Variants in CCDC171 observed in about 807,000 individuals in gnomAD.
CCDC171 encodes the protein coiled-coil domain-containing protein 171.
Under a neutral mutation model 168.2 loss-of-function variants are expected in CCDC171, and 177 were observed. That is an observed-to-expected ratio of 1.05 (90% CI 0.93 to 1.19). The LOEUF (loss-of-function observed/expected upper bound fraction) is 1.19. Ranked by LOEUF, CCDC171 falls within the 50% of genes most tolerant of loss-of-function variation. The pLI is 0.00. For synonymous variants in CCDC171, 687 were observed against 540.8 expected (o/e 1.27, Z -3.75); for missense variants, 1,991 against 1,539.0 (o/e 1.29, Z -4.91).
chr9:15,609,542 AATAG>A (rs1370605610), intron 6 of CCDC171, among the ~76,000 whole-genome samples: 1 of 152,206 alleles, frequency 6.6e-6, no homozygotes, highest in South Asian at 2.1e-4. Context: ...TGTTTTTCCA[AATAG>A]ATAGCCAAGT....
intron 25 of CCDC171, among the ~76,000 whole-genome samples, chr9:15,957,438 T>C (rs1024841520): frequency 1.3e-5 from 2 of 152,200 alleles, no homozygotes; most frequent in South Asian, 4.1e-4. Context: ...TTCTCCCTCA[T>C]TGAATCCAAG....
chr9:15,678,342 A>T (rs532026911), intron 9 of CCDC171, among the ~76,000 whole-genome samples: 10 of 152,260 alleles, frequency 6.6e-5, no homozygotes, highest in African/African-American at 2.4e-4. Flanking sequence ...TTCTACTTGC[A>T]TGGACATTCA....
intron 1 of CCDC171, among the ~76,000 whole-genome samples, chr9:16,051,554 A>G (rs545840377): frequency 2.4e-4 from 37 of 152,182 alleles, no homozygotes; most frequent in Non-Finnish European, 4.7e-4. Context: ...GCTTTGAGGT[A>G]CGACCCATCC....
intron 7 of CCDC171, among the ~76,000 whole-genome samples, chr9:15,646,485 G>A (rs917344910): frequency 1.3e-5 from 2 of 152,200 alleles, no homozygotes; most frequent in Non-Finnish European, 2.9e-5. Flanking sequence ...AGACCCATCA[G>A]TGTGCTGTAT....
chr9:16,075,849 A>T, the CCDC171 span, among the ~76,000 whole-genome samples: 1 of 152,200 alleles, frequency 6.6e-6, no homozygotes, highest in African/African-American at 2.4e-5. Flanking sequence ...AGAGAATAGC[A>T]TAGCATAGCA....
At chr9:15,728,931 A>G (rs7854226) in intron 15 of CCDC171, among the ~76,000 whole-genome samples, 4,729 of 152,226 alleles carry the variant, frequency 0.031, 244 homozygotes, top group African/African-American at 0.11. Flanking sequence ...TGAGCATTTT[A>G]TCTTGGTCCT....
intron 25 of CCDC171, among the ~76,000 whole-genome samples, chr9:15,958,064 G>C (rs1343892921): frequency 1.3e-5 from 2 of 152,090 alleles, no homozygotes; most frequent in Non-Finnish European, 2.9e-5. Context: ...AAGATGCCCT[G>C]TTCATTTTCT....
In CCDC171 at chr9:15,729,790, A is replaced by T; in HGVS notation, c.2041A>T (p.Arg681Trp). The T allele has an allele frequency of 1.9e-6, 3 of 1,607,808 alleles. No individual in the cohort carries two copies. Among genetic ancestry groups the T allele is most frequent in the Non-Finnish European group, 2.6e-6 (3 of 1,175,734 alleles). Residue 681 changes from arginine to tryptophan, a missense_variant, in exon 16 of 26, where the codon AGG (arginine) becomes TGG (tryptophan). Arg to Trp is a moderately radical substitution (Grantham distance 101, BLOSUM62 -3). Coordinates refer to ENST00000380701, the MANE Select transcript of CCDC171 (RefSeq NM_173550.4). ...YSELFLEVQK[R>W]AQKFQEIAEK... is the part of the protein sequence containing the mutation. ...TGAACTCTTCCTGGAGGTGCAGAAGAGGGCACAGGTATGCTACCTTTACAA... is the reference window on the plus strand; with the variant it reads ...TGAACTCTTCCTGGAGGTGCAGAAGTGGGCACAGGTATGCTACCTTTACAA...
At chr9:15,587,798 G>C in intron 4 of CCDC171, 1 of 283,996 alleles carries the variant, frequency 3.5e-6, no homozygotes, top group South Asian at 3.1e-5. Context: ...CTTTAAAATG[G>C]AGAGAAGAAA....
intron 7 of CCDC171, among the ~76,000 whole-genome samples, chr9:15,656,383 C>G (rs960069637): frequency 2.0e-5 from 3 of 151,686 alleles, no homozygotes; most frequent in African/African-American, 7.3e-5. Flanking sequence ...CCATTCTTCA[C>G]TATTTACCCC....
intron 6 of CCDC171, among the ~76,000 whole-genome samples, chr9:15,606,079 T>G (rs1047644287): frequency 2.0e-5 from 3 of 152,196 alleles, no homozygotes; most frequent in African/African-American, 7.2e-5. Flanking sequence ...TAACTAATAA[T>G]AGAACCATCA....
intron 8 of CCDC171, among the ~76,000 whole-genome samples, chr9:15,663,608 CTTTTT>C (rs56022914): frequency 8.1e-6 from 1 of 123,226 alleles, no homozygotes; most frequent in Non-Finnish European, 1.8e-5. Context: ...CTTTTTTTTT[CTTTTT>C]TTTTTTTTTT....
intron 25 of CCDC171, among the ~76,000 whole-genome samples, chr9:15,924,721 C>T (rs1489803791): frequency 6.6e-6 from 1 of 151,410 alleles, no homozygotes; most frequent in Non-Finnish European, 1.5e-5. Flanking sequence ...CTTCTATATA[C>T]TCACTTTCCA....
chr9:15,777,775 A>C lies in CCDC171; in HGVS notation c.2847A>C (p.Lys949Asn), dbSNP rs1230516001. The change falls in exon 19 of 26, where the codon AAA becomes AAC. Residue 949 changes from lysine (K) to asparagine (N), a missense_variant. Lys to Asn is a moderately conservative substitution (Grantham distance 94). Coordinates refer to ENST00000380701, the MANE Select transcript of CCDC171 (RefSeq NM_173550.4). ...AGAGGCTGGCCCATGGACTTCATAA[A>C]GTAAACACACTGGCCCTGAAATATG... ...LVQRLAHGLH[K>N]VNTLALKYGL... 6.2e-7 allele frequency: 1 copy of C among 1,613,788 alleles called. No individual in the cohort carries two copies. Among genetic ancestry groups the C allele is most frequent in the Non-Finnish European group, 8.5e-7 (1 of 1,179,940 alleles).
At chr9:15,579,526 C>T (rs979567171) in intron 4 of CCDC171, among the ~76,000 whole-genome samples, 4 of 152,018 alleles carry the variant, frequency 2.6e-5, no homozygotes, top group African/African-American at 9.7e-5. Context: ...GTTATGTAGC[C>T]CTTGGACTTA....
At chr9:16,010,360 C>T (rs993132831) in intron 3 of CCDC171, among the ~76,000 whole-genome samples, 4 of 152,124 alleles carry the variant, frequency 2.6e-5, no homozygotes, top group Non-Finnish European at 5.9e-5. Flanking sequence ...TTGCAAGATA[C>T]TCCAGGCTAG....
At chr9:15,561,731 C>T (rs1162574919) in intron 1 of CCDC171, among the ~76,000 whole-genome samples, 2 of 151,968 alleles carry the variant, frequency 1.3e-5, no homozygotes, top group Non-Finnish European at 2.9e-5. Context: ...CAACTTTGGT[C>T]CTTCATTGAT....
At chr9:15,599,821 A>G (rs2042688895) in intron 6 of CCDC171, among the ~76,000 whole-genome samples, 1 of 152,106 alleles carries the variant, frequency 6.6e-6, no homozygotes, top group Non-Finnish European at 1.5e-5. Flanking sequence ...ACATAGCCCC[A>G]TATTTCTTGG....
At chr9:15,920,511 C>A (rs771453976) in intron 25 of CCDC171, 89 bp downstream of exon 25, 10 of 893,104 alleles carry the variant, frequency 1.1e-5, no homozygotes, top group South Asian at 9.8e-5. Context: ...AGATCATTTG[C>A]CAATATATAT....
Sources: allele counts gnomAD v4.1 joint callset (sites outside exome capture counted in the v4.1 genomes callset), GRCh38; gene constraint gnomAD v4.1.1; transcripts MANE v1.5; gene names NCBI Gene and HGNC (gene_info 2026-07-23, HGNC 2026-07-21).